UBR3: variants seen among roughly 807,000 people sequenced by gnomAD.
UBR3 encodes E3 ubiquitin-protein ligase UBR3.
UBR3 carries 85 observed loss-of-function variants against 243.2 expected under a neutral mutation model. That is an observed-to-expected ratio of 0.35 (90% CI 0.29 to 0.42). The LOEUF is 0.42. UBR3 is among the 10% of genes least tolerant of loss of function. The pLI is 1.00. For missense variants in UBR3, 1,686 were observed against 2,300.8 expected, an observed-to-expected ratio of 0.73 and a Z score of 5.47; for synonymous variants, 748 against 799.8, an observed-to-expected ratio of 0.94 and a Z score of 1.09.
intron 24 of UBR3, among the ~76,000 whole-genome samples, chr2:169,978,761 G>C (rs2088583038): frequency 6.6e-6 from 1 of 152,142 alleles, no homozygotes; most frequent in African/African-American, 2.4e-5. Context: ...TCCCCATGGA[G>C]AAGGGTGTCT....
At chr2:169,996,693 GT>G (rs397871702) in intron 26 of UBR3, among the ~76,000 whole-genome samples, 29 of 64,518 alleles carry the variant, frequency 4.5e-4, no homozygotes, top group South Asian at 8.3e-4. Context: ...TTGGACTTTT[GT>G]TTTTTTTTTT....
At chr2:169,929,031 G>A (rs774390887) in intron 18 of UBR3, among the ~76,000 whole-genome samples, 163 bp downstream of exon 18, 6 of 152,196 alleles carry the variant, frequency 3.9e-5, no homozygotes, top group Admixed American at 2.0e-4. Context: ...CAGTGATACT[G>A]CTTTCAATTA....
At chr2:169,989,312 A>G (rs2089172894) in intron 25 of UBR3, among the ~76,000 whole-genome samples, 1 of 152,092 alleles carries the variant, frequency 6.6e-6, no homozygotes, top group African/African-American at 2.4e-5. Context: ...TGCTTAATTT[A>G]TTTATAGTTG....
At chr2:169,954,889 G>A (rs1297960661) in intron 23 of UBR3, among the ~76,000 whole-genome samples, 1 of 152,038 alleles carries the variant, frequency 6.6e-6, no homozygotes, top group Non-Finnish European at 1.5e-5. Flanking sequence ...ATTTCTTATA[G>A]CAGAAAGATC....
At chr2:169,975,930 T>C (rs2105379970) in intron 24 of UBR3, among the ~76,000 whole-genome samples, 1 of 152,166 alleles carries the variant, frequency 6.6e-6, no homozygotes, top group Non-Finnish European at 1.5e-5. Flanking sequence ...CTGATCTCTT[T>C]ATCATTATAT....
At position 169,926,834 on chromosome 2, in the gene UBR3, G is replaced by C; in HGVS notation, c.2205-4G>C. ...AAATATGTTTCAAATATTTCTTCTTGTAGATTTAAGGTAGTGGATTTGTTG... is the reference window on the plus strand; with the variant it reads ...AAATATGTTTCAAATATTTCTTCTTCTAGATTTAAGGTAGTGGATTTGTTG... On this transcript the variant is annotated splice_region_variant and splice_polypyrimidine_tract_variant and intron_variant, in intron 15 of 38. Transcript: ENST00000272793. 6.5e-7 allele frequency: 1 copy of C among 1,547,242 alleles called. No individual in the cohort carries two copies. The highest frequency in any genetic ancestry group is 8.7e-7 in the Non-Finnish European group (1 of 1,145,088).
rs146441409 is a variant in UBR3 at position 169,999,284 on chromosome 2, C to A, written c.3919-2020C>A. Among the ~76,000 whole-genome samples, 5 of 152,272 alleles carry A rather than the reference C, an allele frequency of 3.3e-5. 1 individual carries two copies. In the East Asian group the frequency reaches 9.6e-4, roughly 29 times the overall value. On this transcript the variant is annotated intron_variant, in intron 26 of 38. Coordinates refer to ENST00000272793, the MANE Select transcript of UBR3 (RefSeq NM_172070.4). ...AAAACATAAAACAAAGATGAGCAGG[C>A]CTCCTGTTGTTTTTCTGATTTGTAA... is the stretch of plus-strand genomic sequence containing the variant.
At chr2:169,915,567 A>G (rs561788910) in intron 11 of UBR3, among the ~76,000 whole-genome samples, 14 of 152,206 alleles carry the variant, frequency 9.2e-5, no homozygotes, top group Non-Finnish European at 1.3e-4. Flanking sequence ...ATGCCTCTCA[A>G]TTTGGGTTTG....
intron 5 of UBR3, among the ~76,000 whole-genome samples, chr2:169,886,914 T>G (rs1163298544): frequency 6.6e-6 from 1 of 152,210 alleles, no homozygotes; most frequent in East Asian, 1.9e-4. Context: ...TATTTCATTT[T>G]TGTAAGGTGA....
chr2:169,889,066 T>A (rs1030522851), intron 5 of UBR3, among the ~76,000 whole-genome samples: 1 of 152,242 alleles, frequency 6.6e-6, no homozygotes, highest in African/African-American at 2.4e-5. Flanking sequence ...GAAATTTTAC[T>A]ACTCTATATT....
intron 11 of UBR3, among the ~76,000 whole-genome samples, chr2:169,918,913 T>C (rs1218185459): frequency 6.6e-6 from 1 of 152,184 alleles, no homozygotes; most frequent in African/African-American, 2.4e-5. Flanking sequence ...AACAAGTATA[T>C]GGTTAATTTG....
At chr2:170,039,839 TG>T (rs2090922014) in intron 31 of UBR3, among the ~76,000 whole-genome samples, 1 of 152,198 alleles carries the variant, frequency 6.6e-6, no homozygotes, top group African/African-American at 2.4e-5. Context: ...ATATAGTCTA[TG>T]TTTTTCATAG....
chr2:169,861,147 C>T (rs542763791), intron 1 of UBR3, among the ~76,000 whole-genome samples: 2 of 152,308 alleles, frequency 1.3e-5, no homozygotes, highest in East Asian at 3.9e-4. Context: ...GAGGGTGGGT[C>T]TGCCTCTCCC....
chr2:170,025,755 T>C (rs1031723039), intron 30 of UBR3, among the ~76,000 whole-genome samples: 3 of 151,924 alleles, frequency 2.0e-5, no homozygotes, highest in African/African-American at 4.8e-5. Context: ...ACCAATGGGA[T>C]TGGTGGAGGG....
At chr2:169,987,672 A>G (rs560141022) in intron 25 of UBR3, among the ~76,000 whole-genome samples, 136 of 152,072 alleles carry the variant, frequency 8.9e-4, no homozygotes, top group Non-Finnish European at 1.6e-3. Flanking sequence ...GGGTAGTGAT[A>G]ATTCTTGTAC....
chr2:169,933,558 T>C (rs1025238640), intron 19 of UBR3, among the ~76,000 whole-genome samples: 8 of 152,244 alleles, frequency 5.3e-5, no homozygotes, highest in Non-Finnish European at 1.0e-4. Flanking sequence ...TTGTAGACCA[T>C]TGTAAATGTA....
At chr2:169,922,640 CT>C (rs1468014647) in intron 11 of UBR3, among the ~76,000 whole-genome samples, 3 of 152,172 alleles carry the variant, frequency 2.0e-5, no homozygotes, top group African/African-American at 7.2e-5. Flanking sequence ...CACCATTCTA[CT>C]TTGTATCTCT....
intron 14 of UBR3, among the ~76,000 whole-genome samples, chr2:169,926,469 A>G (rs922468219): frequency 1.3e-5 from 2 of 152,040 alleles, no homozygotes; most frequent in African/African-American, 4.8e-5. Context: ...ACACCTGTAA[A>G]TCCCAGCTAC....
At chr2:170,079,085 T>C (rs2091862545) in intron 36 of UBR3, among the ~76,000 whole-genome samples, 1 of 152,202 alleles carries the variant, frequency 6.6e-6, no homozygotes, top group Non-Finnish European at 1.5e-5. Context: ...CTTAAGATAA[T>C]AGACTCACTC....
Sources: allele counts gnomAD v4.1 joint callset (sites outside exome capture counted in the v4.1 genomes callset), GRCh38; gene constraint gnomAD v4.1.1; transcripts MANE v1.5; gene names NCBI Gene and HGNC (gene_info 2026-07-23, HGNC 2026-07-21).